The following AGT variants were observed in gnomAD, a reference collection of about 807,000 sequenced individuals.
AGT encodes angiotensinogen.
AGT carries 26 observed loss-of-function variants against 28.1 expected under a neutral mutation model. That is an observed-to-expected ratio of 0.92 (90% CI 0.68 to 1.28). AGT has a LOEUF of 1.28. Ranked by LOEUF, AGT falls within the 50% of genes most tolerant of loss-of-function variation. The pLI is 0.00. For missense variants in AGT, 596 were observed against 592.3 expected (o/e 1.01, Z -0.06); for synonymous variants, 259 against 259.6 (o/e 1.00, Z 0.02).
Position 230,710,144 on chromosome 1 carries a change from G to C in AGT, c.680C>G (p.Pro227Arg). 6.2e-7 allele frequency: 1 copy of C among 1,614,170 alleles called. No individual in the cohort carries two copies. The highest frequency in any genetic ancestry group is 8.5e-7 in the Non-Finnish European group (1 of 1,180,038). Residue 227 changes from proline to arginine, a missense_variant, in exon 2 of 5, where the codon CCA becomes CGA. Transcript: ENST00000366667. The stretch of plus-strand genomic sequence containing the variant: ...CAGTTCTGTGAAGTCCAGAGAGCGT[G>C]GGAGGACCACAGGGGTATAGAGAGC... Reference protein sequence around the residue: ...GLALYTPVVLPRSLDFTELDV... With the variant: ...GLALYTPVVLRRSLDFTELDV...
chr1:230,731,761 G>A (rs766810921), intron 1 of AGT, among the ~76,000 whole-genome samples: 1 of 152,156 alleles, frequency 6.6e-6, no homozygotes, highest in Non-Finnish European at 1.5e-5. Context: ...CAGTTACTCA[G>A]GAGGCTGAGG....
In AGT at chr1:230,706,174, C is replaced by A. The variant is rs377397992; in HGVS notation, c.856G>T (p.Ala286Ser). 1.3e-4 allele frequency: 203 copies of A among 1,613,642 alleles called. No homozygotes were observed. Among genetic ancestry groups the A allele is most frequent in the Non-Finnish European group, 1.6e-4 (190 of 1,179,760 alleles). The change falls in exon 3 of 5, where the codon GCC (alanine) becomes TCC (serine). Residue 286 changes from alanine to serine, a missense_variant. Ala to Ser is a moderately conservative substitution (Grantham distance 99). Transcript: ENST00000366667. ...QGKMKGFSLL[A>S]EPQEFWVDNS... ...TCCACCCAGAACTCCTGGGGCTCGG[C>A]CAGCAGGGAGAAGCCCTTCATCTTC...
rs189264621 is a variant in AGT at position 230,720,714 on chromosome 1, A to G, written c.-30-9861T>C. 7.1e-4 allele frequency among the ~76,000 whole-genome samples: 108 copies of G among 152,320 alleles called. 1 individual carries two copies. The highest frequency in any genetic ancestry group is 1.4e-3 in the Non-Finnish European group (94 of 68,028). ...TACACTGTCATGCCCACCTTTGAGT[A>G]GAGTCTTTGCTTTAACCTTTTTTGC... On this transcript the variant is annotated intron_variant, in intron 1 of 4. Transcript: ENST00000681269.
chr1:230,738,063 A>G (rs1664185530), intron 1 of AGT, among the ~76,000 whole-genome samples: 1 of 152,256 alleles, frequency 6.6e-6, no homozygotes. Flanking sequence ...ATGTTCCACT[A>G]CGTGGATATA....
upstream of AGT, among the ~76,000 whole-genome samples, chr1:230,719,324 C>A (rs1451380154): frequency 6.6e-6 from 1 of 151,906 alleles, no homozygotes; most frequent in Non-Finnish European, 1.5e-5. Context: ...TGGAGGAAAA[C>A]GGTCATATAA....
intron 1 of AGT, among the ~76,000 whole-genome samples, chr1:230,713,337 G>A (rs1663647634): frequency 6.6e-6 from 1 of 152,192 alleles, no homozygotes; most frequent in African/African-American, 2.4e-5. Context: ...CAGAGGAACA[G>A]AGAGGTCCAG....
rs563943080 is a variant in AGT, at chr1:230,704,309, C to A, written c.1126G>T (p.Val376Leu). 16 of 1,614,224 alleles carry A rather than the reference C, an allele frequency of 9.9e-6. No homozygotes were observed. In the South Asian group the frequency reaches 1.6e-4, roughly 17 times the overall value. Residue 376 changes from valine to leucine, a missense_variant, in exon 4 of 5, where the codon GTG (valine) becomes TTG (leucine). Physicochemically the swap from Val to Leu is conservative, Grantham distance 32 (BLOSUM62 1). Coordinates refer to ENST00000366667, the MANE Select transcript of AGT (RefSeq NM_001384479.1). ...RTIHLTMPQL[V>L]LQGSYDLQDL... ...TGCAGGTCATAAGATCCTTGCAGCA[C>A]CAGTTGGGGCATGGTCAGGTGGATG...
rs1431417043 is a variant in AGT, at chr1:230,704,274, G to A, written c.1161C>T (p.Leu387=). ...GAATGGCGGGCAGCTCAGCCTGGGC[G>A]AGCAGGTCCTGCAGGTCATAAGATC... ...LQGSYDLQDL[L]AQAELPAILH... The change falls in exon 4 of 5, where the codon CTC becomes CTT. Residue 387 remains leucine, a synonymous_variant. Transcript: ENST00000366667. The A allele has an allele frequency of 8.7e-6, 14 of 1,614,092 alleles. No homozygotes were observed. Among genetic ancestry groups the A allele is most frequent in the East Asian group, 2.2e-5 (1 of 44,892 alleles).
At chr1:230,734,200 TA>T (rs1335912015) in intron 1 of AGT, among the ~76,000 whole-genome samples, 1 of 152,214 alleles carries the variant, frequency 6.6e-6, no homozygotes, top group Non-Finnish European at 1.5e-5. Context: ...GATGGAATAT[TA>T]TTCAAGCAAA....
intron 1 of AGT, among the ~76,000 whole-genome samples, chr1:230,720,014 A>G (rs529859442): frequency 6.6e-6 from 1 of 152,280 alleles, no homozygotes; most frequent in Non-Finnish European, 1.5e-5. Flanking sequence ...TAATTTTATT[A>G]GAAAAGGTTT....
upstream of AGT, among the ~76,000 whole-genome samples, chr1:230,719,283 G>A (rs917530431): frequency 4.6e-5 from 7 of 152,110 alleles, no homozygotes; most frequent in African/African-American, 1.7e-4. Context: ...CCTATGGACT[G>A]CTGTTGATTC....
chr1:230,729,041 C>T (rs187980118), intron 1 of AGT, among the ~76,000 whole-genome samples: 2 of 152,340 alleles, frequency 1.3e-5, no homozygotes, highest in African/African-American at 4.8e-5. Context: ...GTCAGGTACC[C>T]ATGCAGTTAA....
intron 1 of AGT, among the ~76,000 whole-genome samples, chr1:230,738,954 A>G (rs926286136): frequency 1.3e-5 from 2 of 152,210 alleles, no homozygotes; most frequent in Non-Finnish European, 1.5e-5. Flanking sequence ...CTTCTGCTAT[A>G]GAAAAACTTC....
At chr1:230,706,357 G>A (rs1321072676) in intron 2 of AGT, among the ~76,000 whole-genome samples, 157 bp from the exon 3 acceptor site, 1 of 152,166 alleles carries the variant, frequency 6.6e-6, no homozygotes, top group Non-Finnish European at 1.5e-5. Flanking sequence ...CTGGCCACAG[G>A]ACCGCAAGTG....
chr1:230,708,942 A>G (rs1281887156), intron 2 of AGT, among the ~76,000 whole-genome samples: 1 of 152,190 alleles, frequency 6.6e-6, no homozygotes, highest in African/African-American at 2.4e-5. Context: ...ACTCATGCCA[A>G]GCCAACCGCC....
intron 1 of AGT, among the ~76,000 whole-genome samples, chr1:230,739,703 A>C (rs1321508497): frequency 6.6e-6 from 1 of 152,166 alleles, no homozygotes; most frequent in Non-Finnish European, 1.5e-5. Flanking sequence ...GTTCCCAGAG[A>C]CACCTCAACC....
intron 1 of AGT, among the ~76,000 whole-genome samples, chr1:230,730,082 G>A (rs1359685640): frequency 2.0e-5 from 3 of 151,980 alleles, no homozygotes; most frequent in Non-Finnish European, 4.4e-5. Flanking sequence ...TGATCCGCCC[G>A]GCTAATTTTT....
intron 1 of AGT, among the ~76,000 whole-genome samples, chr1:230,743,421 C>A (rs1664283858): frequency 6.6e-6 from 1 of 152,176 alleles, no homozygotes; most frequent in South Asian, 2.1e-4. Context: ...ACCCTTGCAC[C>A]CCAGCAGAAC....
At chr1:230,714,909 T>C (rs1440144390), upstream of AGT, among the ~76,000 whole-genome samples, 1 of 152,196 alleles carries the variant, frequency 6.6e-6, no homozygotes, top group Non-Finnish European at 1.5e-5. Flanking sequence ...TAACAGGGCA[T>C]GACAGAGACC....
Sources: gnomAD v4.1 joint callset for allele counts (sites outside exome capture counted in the v4.1 genomes callset) on GRCh38, gnomAD v4.1.1 for gene constraint, MANE v1.5 for transcripts, NCBI Gene and HGNC (gene_info 2026-07-23, HGNC 2026-07-21) for gene names.